Variants in CD226 observed in about 807,000 individuals in gnomAD.
CD226 encodes the protein CD226 molecule.
Under a neutral mutation model 34.9 loss-of-function variants are expected in CD226, and 24 were observed. That is an observed-to-expected ratio of 0.69 (90% CI 0.50 to 0.97). The LOEUF is 0.97. Ranked by LOEUF, CD226 falls within the 50% of genes least tolerant of loss-of-function variation. CD226 has a pLI of 0.00. For synonymous variants in CD226, 148 were observed against 147.4 expected (o/e 1.00, Z -0.03); for missense variants, 397 against 412.7 (o/e 0.96, Z 0.33).
At chr18:69,872,057 G>GGGGTGTGTGTGTGTGT (rs1555677203) in intron 4 of CD226, among the ~76,000 whole-genome samples, 1 of 143,430 alleles carries the variant, frequency 7.0e-6, no homozygotes, top group African/African-American at 2.6e-5. Flanking sequence ...ATTAACAAGG[G>GGGGTGTGTGTGTGTGT]GTGTGTGTGT....
At chr18:69,891,734 C>A (rs538077926) in intron 3 of CD226, among the ~76,000 whole-genome samples, 2 of 152,076 alleles carry the variant, frequency 1.3e-5, no homozygotes, top group African/African-American at 4.8e-5. Context: ...AAATCCCATC[C>A]CCAATAACAA....
At chr18:69,915,664 T>C (rs1441614044) in intron 2 of CD226, among the ~76,000 whole-genome samples, 1 of 152,192 alleles carries the variant, frequency 6.6e-6, no homozygotes, top group African/African-American at 2.4e-5. Flanking sequence ...ACACACTCTT[T>C]TTCTAAGTTA....
At chr18:69,926,876 G>A (rs189557348) in intron 2 of CD226, among the ~76,000 whole-genome samples, 1 of 152,308 alleles carries the variant, frequency 6.6e-6, no homozygotes, top group East Asian at 1.9e-4. Context: ...TCAAAGCTCT[G>A]TGTCAACAAA....
rs1455265669 is a variant in CD226 at position 69,883,306 on chromosome 18, A to G, written c.728-10060T>C. ...ATAACAATAAAAAAAACCTAGAAAA[A>G]TGGCAAAAAATAGACTATGGAATAT... On this transcript the variant is annotated intron_variant, in intron 3 of 5. Transcript: ENST00000582621. 2.6e-5 allele frequency among the ~76,000 whole-genome samples: 4 copies of G among 152,210 alleles called. No individual in the cohort carries two copies. In the East Asian group the frequency reaches 7.7e-4, roughly 29 times the overall value.
intron 3 of CD226, among the ~76,000 whole-genome samples, chr18:69,881,262 A>G (rs2145209398): frequency 6.6e-6 from 1 of 152,382 alleles, no homozygotes; most frequent in South Asian, 2.1e-4. Context: ...GAGTTCACAC[A>G]GAGCAGATGT....
chr18:69,855,743 G>GTGAT lies in CD226; in HGVS notation c.*8570_*8571insATCA, dbSNP rs56823428. On this transcript the variant is annotated 3_prime_UTR_variant, in exon 6 of 6. Transcript: ENST00000582621. ...AAAATCAGAGAACACAGAAAAAGGA[G>GTGAT]GATAAAAAAGAAAGAACGAGTGCAA... 6.6e-6 allele frequency: 1 copy of GTGAT among 151,510 alleles called. No individual in the cohort carries two copies. The highest frequency in any genetic ancestry group is 2.4e-5 in the African/African-American group (1 of 41,256). The allele number at this position is 151,510 out of a possible 1,614,324, so 9.4% of individuals were successfully genotyped here. A position where few individuals can be genotyped will look rare whatever the true frequency, so the allele number is the denominator to read the frequency against.
intron 3 of CD226, among the ~76,000 whole-genome samples, chr18:69,881,320 C>G (rs113461824): frequency 2.4e-3 from 360 of 152,192 alleles, no homozygotes; most frequent in Middle Eastern, 0.02. Flanking sequence ...AAGTTTTGAC[C>G]TTCTATATAA....
chr18:69,895,634 CA>C, intron 3 of CD226, 66 bp downstream of exon 3: 3 of 1,172,608 alleles, frequency 2.6e-6, no homozygotes, highest in Non-Finnish European at 3.7e-6. Flanking sequence ...TAAATAAAAA[CA>C]GAGACCAGCC....
At chr18:69,920,352 G>T (rs1013780348) in intron 2 of CD226, among the ~76,000 whole-genome samples, 1 of 152,106 alleles carries the variant, frequency 6.6e-6, no homozygotes, top group African/African-American at 2.4e-5. Context: ...ATTTTCCATA[G>T]AAAATCCATC....
upstream of CD226, among the ~76,000 whole-genome samples, chr18:69,950,716 G>T (rs1360799100): frequency 6.6e-6 from 1 of 152,178 alleles, no homozygotes; most frequent in African/African-American, 2.4e-5. Context: ...GATGGAAACA[G>T]AAAGATGTAG....
chr18:69,867,563 C>T, intron 4 of CD226, 152 bp from the exon 5 acceptor site: 1 of 567,500 alleles, frequency 1.8e-6, no homozygotes, highest in South Asian at 3.0e-5. Context: ...ATTCTGTTAC[C>T]CTACAGTTTT....
rs1202691794 is a variant in CD226 at position 69,855,807 on chromosome 18, C to T, written c.*8507G>A. 6.6e-6 allele frequency: 1 copy of T among 152,108 alleles called. No individual in the cohort carries two copies. The allele number at this position is 152,108 out of a possible 1,614,324, so 9.4% of individuals were successfully genotyped here. ...ACAAACATAGTAGATATTAATCCAA[C>T]TATATCAATAATCACTTAAATTTGA... On this transcript the variant is annotated 3_prime_UTR_variant, in exon 6 of 6. Coordinates refer to ENST00000582621, the MANE Select transcript of CD226 (RefSeq NM_001303618.2).
At chr18:69,941,627 T>C (rs781300927) in intron 2 of CD226, among the ~76,000 whole-genome samples, 1 of 152,238 alleles carries the variant, frequency 6.6e-6, no homozygotes, top group Non-Finnish European at 1.5e-5. Context: ...ATTTATCCAA[T>C]GCCTGTACCC....
In CD226 at chr18:69,863,117, T is replaced by C. The variant is rs1459811280; in HGVS notation, c.*1197A>G. 6.6e-6 allele frequency: 1 copy of C among 152,206 alleles called. No homozygotes were observed. The highest frequency in any genetic ancestry group is 1.9e-4 in the East Asian group (1 of 5,190). The allele number at this position is 152,206 out of a possible 1,614,324, so 9.4% of individuals were successfully genotyped here. On this transcript the variant is annotated 3_prime_UTR_variant, in exon 6 of 6. Transcript: ENST00000582621. ...CTGAATAGTGAAGCAGAAGTTTCCC[T>C]TTGTATTTTTCTGTGGTTTGATTCC...
upstream of CD226, among the ~76,000 whole-genome samples, chr18:69,960,239 T>TAA (rs552196121): frequency 3.9e-5 from 5 of 126,648 alleles, no homozygotes; most frequent in East Asian, 2.2e-4. Context: ...GACTCCATCT[T>TAA]AAAAAAAAAA....
At chr18:69,879,916 G>T (rs1324202115) in intron 3 of CD226, among the ~76,000 whole-genome samples, 2 of 152,186 alleles carry the variant, frequency 1.3e-5, no homozygotes, top group Non-Finnish European at 2.9e-5. Context: ...CACTGAAGAA[G>T]AACCAAGCTG....
rs75163863 is a variant in CD226 at position 69,906,858 on chromosome 18, G to A, written c.383-10813C>T. On this transcript the variant is annotated intron_variant, in intron 2 of 5. Transcript: ENST00000582621. ...GGCTTGACTCGGACAGTGAGCAGATGCTGTCAGGCTCTACGGACACCTCCT... is the reference window on the plus strand; with the variant it reads ...GGCTTGACTCGGACAGTGAGCAGATACTGTCAGGCTCTACGGACACCTCCT... Among the ~76,000 whole-genome samples the A allele has an allele frequency of 7.8e-3, 1,182 of 152,296 alleles. 18 individuals carry two copies. Among genetic ancestry groups the A allele is most frequent in the African/African-American group, 0.027 (1,125 of 41,560 alleles).
rs1426781436 is a variant in CD226, at chr18:69,861,542, G to GTATATATATATA, written c.*2771_*2772insTATATATATATA. On this transcript the variant is annotated 3_prime_UTR_variant, in exon 6 of 6. Transcript: ENST00000582621. Reference sequence around the variant, plus strand: ...TTATCCATCGATATAAATTATATGTGTATATATATATGTATATATATATAT... The same window carrying GTATATATATATA: ...TTATCCATCGATATAAATTATATGTGTATATATATATATATATATATATGTATATATATATAT... 1 of 41,546 alleles carries GTATATATATATA rather than the reference G, an allele frequency of 2.4e-5. No individual in the cohort carries two copies. The highest frequency in any genetic ancestry group is 6.5e-5 in the Non-Finnish European group (1 of 15,310). 2.6% of individuals were successfully genotyped at this position (41,546 alleles called of 1,614,324 possible).
chr18:69,912,968 C>A (rs139082036), intron 2 of CD226, among the ~76,000 whole-genome samples: 1 of 152,262 alleles, frequency 6.6e-6, no homozygotes, highest in Admixed American at 6.5e-5. Flanking sequence ...GAACTCAGTG[C>A]AACAAACAGT....
Sources: allele counts gnomAD v4.1 joint callset (sites outside exome capture counted in the v4.1 genomes callset), GRCh38; gene constraint gnomAD v4.1.1; transcripts MANE v1.5; gene names NCBI Gene and HGNC (gene_info 2026-07-23, HGNC 2026-07-21).